Variants in DSP observed in about 807,000 individuals in gnomAD.
DSP encodes the protein 250/210 kDa paraneoplastic pemphigus antigen.
A neutral mutation model predicts 290.6 loss-of-function variants in DSP; 114 were observed. The observed-to-expected ratio is 0.39, with a 90% CI of 0.34 to 0.46. DSP has a LOEUF of 0.46. Ranked by LOEUF, DSP falls within the 20% of genes least tolerant of loss-of-function variation. The pLI, the probability that DSP is intolerant of heterozygous loss-of-function variation, is 0.99. For synonymous variants in DSP, 1,311 were observed against 1,316.4 expected, an observed-to-expected ratio of 1.00 and a Z score of 0.09; for missense variants, 3,230 against 3,495.8, an observed-to-expected ratio of 0.92 and a Z score of 1.92.
At chr6:7,557,642 T>C (rs1758539303) in intron 2 of DSP, among the ~76,000 whole-genome samples, 1 of 152,144 alleles carries the variant, frequency 6.6e-6, no homozygotes, top group African/African-American at 2.4e-5. Context: ...ATCGTGCCAC[T>C]GCACTCTAGC....
chr6:7,542,217 C>T (rs553686040), intron 1 of DSP, 132 bp downstream of exon 1: 496 of 1,268,698 alleles, frequency 3.9e-4, no homozygotes, highest in Non-Finnish European at 5.1e-4. Context: ...GAAAGAACTT[C>T]CCGGCCGCGC....
intron 5 of DSP, 35 bp from the exon 6 acceptor site, chr6:7,563,701 G>A (rs372016373): frequency 2.4e-5 from 38 of 1,574,890 alleles, no homozygotes; most frequent in Middle Eastern, 1.7e-4. Flanking sequence ...ATCCACAAGG[G>A]GATTTATATC....
intron 1 of DSP, among the ~76,000 whole-genome samples, chr6:7,546,074 T>C (rs1758162356): frequency 6.6e-6 from 1 of 152,098 alleles, no homozygotes; most frequent in Non-Finnish European, 1.5e-5. Context: ...AGTGAGACGA[T>C]CATAACTGAG....
At chr6:7,552,729 T>C (rs1758382108) in intron 1 of DSP, among the ~76,000 whole-genome samples, 1 of 151,660 alleles carries the variant, frequency 6.6e-6, no homozygotes, top group Non-Finnish European at 1.5e-5. Flanking sequence ...CTTCTCTTTA[T>C]AGGATGTCAA....
rs1375735765 is a variant in DSP, at chr6:7,584,405, G to A, written c.7143G>A (p.Lys2381=). The A allele has an allele frequency of 1.2e-6, 2 of 1,614,110 alleles. No individual in the cohort carries two copies. The highest frequency in any genetic ancestry group is 1.7e-6 in the Non-Finnish European group (2 of 1,179,998). The change falls in exon 24 of 24, where the codon AAG becomes AAA. Residue 2381 remains lysine (K), a synonymous_variant. Transcript: ENST00000379802. The surrounding 1 kb of genome is among the most constrained non-coding windows in gnomAD (Gnocchi z 6.4). ...CAACCGGGGGGATCATTGACCCAAA[G>A]GAGAGCCATCGTTTACCAGTTGACA... The part of the protein sequence containing the change: ...QIATGGIIDP[K]ESHRLPVDIA...
Position 7,583,657 on chromosome 6 carries a change from G to T in DSP, c.6395G>T (p.Gly2132Val). The change falls in exon 24 of 24, where the codon GGG (glycine) becomes GTG (valine). Residue 2132 changes from glycine (G) to valine (V), a missense_variant. Physicochemically the swap from Gly to Val is moderately radical, Grantham distance 109. Transcript: ENST00000379802. This position sits in a 1 kb window ranked among gnomAD's most constrained non-coding sequence, Gnocchi z 4.0. ...MRLLEAQIAS[G>V]GVVDPVNSVF... ...CTGCTGGAAGCCCAGATTGCTTCAG[G>T]GGGTGTAGTAGACCCTGTGAACAGT... 6.2e-7 allele frequency: 1 copy of T among 1,614,116 alleles called. No individual in the cohort carries two copies. Among genetic ancestry groups the T allele is most frequent in the Non-Finnish European group, 8.5e-7 (1 of 1,180,030 alleles).
intron 4 of DSP, among the ~76,000 whole-genome samples, chr6:7,560,996 G>A (rs1047139223): frequency 1.3e-5 from 2 of 150,874 alleles, no homozygotes; most frequent in African/African-American, 4.9e-5. Flanking sequence ...CTGTTGCCCA[G>A]GCAGGAGTGC....
In DSP at chr6:7,583,234, T is replaced by C. The variant is rs760548186; in HGVS notation, c.5972T>C (p.Leu1991Ser). Residue 1991 changes from leucine (L) to serine (S), a missense_variant, in exon 24 of 24, where the codon TTG becomes TCG. By Grantham distance (145) the Leu-to-Ser change is moderately radical (BLOSUM62 -2). Transcript: ENST00000379802. This position sits in a 1 kb window ranked among gnomAD's most constrained non-coding sequence, Gnocchi z 4.0. ...YECQLIDKTTLDKLLKGKKSV... is the reference protein window; with the variant it reads ...YECQLIDKTTSDKLLKGKKSV... The stretch of plus-strand genomic sequence containing the variant: ...TGTCAGCTGATCGACAAAACAACCT[T>C]GGACAAACTATTGAAGGGGAAGAAG... 2 of 1,614,132 alleles carry C rather than the reference T, an allele frequency of 1.2e-6. No homozygotes were observed. The highest frequency in any genetic ancestry group is 1.7e-5 in the Admixed American group (1 of 60,010).
intron 1 of DSP, among the ~76,000 whole-genome samples, chr6:7,547,983 ATTTCTGCC>A (rs1174052884): frequency 2.0e-5 from 3 of 152,000 alleles, no homozygotes; most frequent in African/African-American, 7.2e-5. Flanking sequence ...CAAAAACGAA[ATTTCTGCC>A]GGGCGCGGTG....
At chr6:7,581,835 T>A (rs1289382182) in intron 23 of DSP, among the ~76,000 whole-genome samples, 1 of 152,230 alleles carries the variant, frequency 6.6e-6, no homozygotes, top group African/African-American at 2.4e-5. Flanking sequence ...CACTAATACA[T>A]GTATAACTTC....
At position 7,541,815 on chromosome 6, in the gene DSP, TC is replaced by T; in HGVS notation, c.-97del. Reference sequence around the variant, plus strand: ...CGAGCCTTCCGCACTCCCGCCCGGTTCCCCGGCCGTCCGCCTATCCTTGGCC... The same window carrying T: ...CGAGCCTTCCGCACTCCCGCCCGGTTCCCGGCCGTCCGCCTATCCTTGGCC... On this transcript the variant is annotated 5_prime_UTR_variant, in exon 1 of 24. Transcript: ENST00000379802. 1 of 1,436,896 alleles carries T rather than the reference TC, an allele frequency of 7.0e-7. No individual in the cohort carries two copies. The highest frequency in any genetic ancestry group is 2.6e-5 in the East Asian group (1 of 38,748). 89.0% of individuals were successfully genotyped at this position (1,436,896 alleles called of 1,614,324 possible).
intron 12 of DSP, 120 bp downstream of exon 12, chr6:7,569,460 T>A (rs1758977216): frequency 6.9e-7 from 1 of 1,452,502 alleles, no homozygotes; most frequent in Non-Finnish European, 9.6e-7. Flanking sequence ...AAACACCTTC[T>A]AAAAAAAGGA....
chr6:7,573,154 G>A (rs1004908742), intron 15 of DSP, among the ~76,000 whole-genome samples: 1 of 151,826 alleles, frequency 6.6e-6, no homozygotes, highest in Non-Finnish European at 1.5e-5. Context: ...ATGTATGTAT[G>A]TACATATGTG....
intron 1 of DSP, among the ~76,000 whole-genome samples, chr6:7,545,740 C>T (rs1221877517): frequency 2.0e-5 from 3 of 152,140 alleles, no homozygotes; most frequent in South Asian, 2.1e-4. Context: ...GAACATCTGT[C>T]GTGGGGGCAC....
In DSP at chr6:7,582,547, T is replaced by A. The variant is rs1759471038; in HGVS notation, c.5380-95T>A. 5.5e-6 allele frequency: 6 copies of A among 1,088,260 alleles called. No homozygotes were observed. Among genetic ancestry groups the A allele is most frequent in the South Asian group, 2.9e-5 (2 of 69,760 alleles). The allele number at this position is 1,088,260 out of a possible 1,614,324, so 67.4% of individuals were successfully genotyped here. A position where few individuals can be genotyped will look rare whatever the true frequency, so the allele number is the denominator to read the frequency against. ...AAAAAATAAGCAAGGCTTTTTTTTT[T>A]AAAGATAGATACACAAAAGAAAGTT... On this transcript the variant is annotated intron_variant, in intron 23 of 23. Coordinates refer to ENST00000379802, the MANE Select transcript of DSP (RefSeq NM_004415.4). This position sits in a 1 kb window ranked among gnomAD's most constrained non-coding sequence, Gnocchi z 4.2.
chr6:7,570,525 A>T lies in DSP; in HGVS notation c.1663A>T (p.Ile555Phe), dbSNP rs763241703. 30 of 1,613,952 alleles carry T rather than the reference A, an allele frequency of 1.9e-5. 1 individual carries two copies. In the South Asian group the frequency reaches 2.6e-4, roughly 14 times the overall value. ...KSLVSWHYCMIDIEKIRAMTI... is the reference protein window; with the variant it reads ...KSLVSWHYCMFDIEKIRAMTI... ...CCTGGTGTCCTGGCACTACTGCATG[A>T]TTGACATAGAGAAGATCAGGGCCAT... The change falls in exon 13 of 24, where the codon ATT (isoleucine) becomes TTT (phenylalanine). Residue 555 changes from isoleucine to phenylalanine, a missense_variant. By Grantham distance (21) the Ile-to-Phe change is conservative. Transcript: ENST00000379802.
chr6:7,579,522 T>C lies in DSP; in HGVS notation c.3332T>C (p.Ile1111Thr). Residue 1111 changes from isoleucine to threonine, a missense_variant, in exon 23 of 24, where the codon ATC (isoleucine) becomes ACC (threonine). Around this residue, in one of 5 missense-constraint regions of DSP, gnomAD observed 1,714 missense variants for 1,844.5 expected, o/e 0.93. Transcript: ENST00000379802. This position sits in a 1 kb window ranked among gnomAD's most constrained non-coding sequence, Gnocchi z 4.1. ...CAAATAAAAGAACTCAATGAGAAGA[T>C]CACCCGACTGACTTATGAGATTGAA... Reference protein sequence around the residue: ...YGQIKELNEKITRLTYEIEDE... With the variant: ...YGQIKELNEKTTRLTYEIEDE... The C allele has an allele frequency of 6.2e-7, 1 of 1,613,782 alleles. No individual in the cohort carries two copies. Among genetic ancestry groups the C allele is most frequent in the South Asian group, 1.1e-5 (1 of 91,080 alleles).
rs1410262735 is a variant in DSP, at chr6:7,583,015, A to C, written c.5753A>C (p.Glu1918Ala). The change falls in exon 24 of 24, where the codon GAG becomes GCG. Residue 1918 changes from glutamate to alanine, a missense_variant. Coordinates refer to ENST00000379802, the MANE Select transcript of DSP (RefSeq NM_004415.4). This position sits in a 1 kb window ranked among gnomAD's most constrained non-coding sequence, Gnocchi z 4.0. ...RIEERCRRKL[E>A]DSTRETQSQL... ...GAAGAGAGGTGCAGGCGTAAGCTGG[A>C]GGATTCTACCAGGGAGACACAGTCA... 1.3e-5 allele frequency: 21 copies of C among 1,614,148 alleles called. No homozygotes were observed. The highest frequency in any genetic ancestry group is 1.7e-5 in the Non-Finnish European group (20 of 1,180,022).
At chr6:7,552,607 A>C (rs1758373912) in intron 1 of DSP, among the ~76,000 whole-genome samples, 2 of 150,438 alleles carry the variant, frequency 1.3e-5, no homozygotes, top group South Asian at 4.2e-4. Flanking sequence ...GAAATCCTTT[A>C]GAAAAGCACG....
Sources: allele counts gnomAD v4.1 joint callset (sites outside exome capture counted in the v4.1 genomes callset), GRCh38; gene constraint gnomAD v4.1.1; regional missense constraint gnomAD v4.1.1; non-coding constraint Gnocchi (gnomAD v3.1); transcripts MANE v1.5; gene names NCBI Gene and HGNC (gene_info 2026-07-23, HGNC 2026-07-21).